SLC16A7: variants seen among roughly 807,000 people sequenced by gnomAD.
SLC16A7 encodes monocarboxylate transporter 2.
In SLC16A7, 33 loss-of-function variants were observed where a neutral mutation model predicts 34.9. The ratio of observed to expected loss-of-function variants is 0.94; its 90% CI spans 0.72 to 1.26. The LOEUF (loss-of-function observed/expected upper bound fraction) is 1.26, where lower values mean the gene tolerates loss of function less well. SLC16A7 is among the 50% of genes most tolerant of loss of function. The pLI is 0.00. For synonymous variants in SLC16A7, 201 were observed against 206.6 expected, an observed-to-expected ratio of 0.97 and a Z score of 0.23; for missense variants, 573 against 578.1, an observed-to-expected ratio of 0.99 and a Z score of 0.09.
intron 2 of SLC16A7, among the ~76,000 whole-genome samples, chr12:59,691,958 A>G (rs930271991): frequency 2.0e-5 from 3 of 151,990 alleles, no homozygotes; most frequent in Non-Finnish European, 4.4e-5. Flanking sequence ...CTACTATACT[A>G]GTTTCCTGGG....
intron 1 of SLC16A7, among the ~76,000 whole-genome samples, chr12:59,643,379 T>A (rs1281055058): frequency 6.6e-6 from 1 of 152,180 alleles, no homozygotes; most frequent in Non-Finnish European, 1.5e-5. Flanking sequence ...TAAGCATATA[T>A]GTCTATAAAT....
At chr12:59,690,782 A>G (rs1463973344) in intron 2 of SLC16A7, among the ~76,000 whole-genome samples, 1 of 151,990 alleles carries the variant, frequency 6.6e-6, no homozygotes, top group Non-Finnish European at 1.5e-5. Flanking sequence ...TCTCAAAATA[A>G]TCAGCTCAAA....
intron 2 of SLC16A7, among the ~76,000 whole-genome samples, chr12:59,663,454 G>A (rs1240609617): frequency 6.6e-6 from 1 of 151,568 alleles, no homozygotes; most frequent in East Asian, 1.9e-4. Context: ...ATATGTACAG[G>A]GTACAAAATG....
chr12:59,613,079 T>C (rs1447426544), intron 1 of SLC16A7, among the ~76,000 whole-genome samples: 1 of 152,234 alleles, frequency 6.6e-6, no homozygotes, highest in Non-Finnish European at 1.5e-5. Context: ...TAAGGACAGA[T>C]TCTGGACTGG....
intron 3 of SLC16A7, among the ~76,000 whole-genome samples, chr12:59,764,434 A>G (rs1178063880): frequency 6.6e-6 from 1 of 151,564 alleles, no homozygotes; most frequent in African/African-American, 2.4e-5. Flanking sequence ...TGCGCCCATT[A>G]ACTCGTCATT....
At chr12:59,734,764 T>C (rs575487151) in intron 3 of SLC16A7, among the ~76,000 whole-genome samples, 1 of 152,378 alleles carries the variant, frequency 6.6e-6, no homozygotes, top group East Asian at 1.9e-4. Flanking sequence ...ATATACATCA[T>C]TGTCATTCTC....
At chr12:59,659,989 A>G (rs11173108) in intron 2 of SLC16A7, among the ~76,000 whole-genome samples, 34,415 of 151,998 alleles carry the variant, frequency 0.23, 4,635 homozygotes, top group East Asian at 0.66. Context: ...TTCAAGATGA[A>G]AAGTAAAATA....
At chr12:59,696,276 A>G (rs1484825874) in intron 2 of SLC16A7, 1 of 151,902 alleles carries the variant, frequency 6.6e-6, no homozygotes, top group Non-Finnish European at 1.5e-5. Context: ...GATATATTCA[A>G]TTTTGCTAAT....
At chr12:59,618,683 A>G (rs1158168474) in intron 1 of SLC16A7, among the ~76,000 whole-genome samples, 1 of 151,922 alleles carries the variant, frequency 6.6e-6, no homozygotes, top group Non-Finnish European at 1.5e-5. Flanking sequence ...AAGGTGTGTG[A>G]TCTTCCGTTT....
At chr12:59,629,891 A>G (rs1880101443) in intron 1 of SLC16A7, among the ~76,000 whole-genome samples, 1 of 151,950 alleles carries the variant, frequency 6.6e-6, no homozygotes, top group South Asian at 2.1e-4. Context: ...TGATAGAAAC[A>G]TGCTTCTGGA....
chr12:59,635,292 T>C (rs1880367430), intron 1 of SLC16A7, among the ~76,000 whole-genome samples: 4 of 152,102 alleles, frequency 2.6e-5, no homozygotes, highest in Admixed American at 6.6e-5. Flanking sequence ...AAATGTACTA[T>C]TGGAGCTTGA....
At chr12:59,737,794 G>T (rs903686764) in intron 3 of SLC16A7, among the ~76,000 whole-genome samples, 1 of 152,096 alleles carries the variant, frequency 6.6e-6, no homozygotes, top group Non-Finnish European at 1.5e-5. Context: ...GATACTTGGG[G>T]TATGGTCCTG....
At chr12:59,664,831 T>G (rs887907379) in intron 2 of SLC16A7, 7 of 152,182 alleles carry the variant, frequency 4.6e-5, no homozygotes, top group African/African-American at 1.2e-4. Flanking sequence ...AAGCAGAGTC[T>G]CTGGAGATAT....
intron 2 of SLC16A7, among the ~76,000 whole-genome samples, chr12:59,660,951 C>T (rs1868816077): frequency 6.6e-6 from 1 of 152,024 alleles, no homozygotes; most frequent in Non-Finnish European, 1.5e-5. Context: ...TCTTATTTTA[C>T]AAATGGCAGT....
chr12:59,694,317 C>A (rs1872019728), intron 2 of SLC16A7, among the ~76,000 whole-genome samples: 1 of 151,918 alleles, frequency 6.6e-6, no homozygotes, highest in Admixed American at 6.6e-5. Flanking sequence ...TAGTCAGACA[C>A]ACAAACTCTA....
chr12:59,631,465 C>T (rs1880179095), intron 1 of SLC16A7, among the ~76,000 whole-genome samples: 1 of 151,900 alleles, frequency 6.6e-6, no homozygotes, highest in African/African-American at 2.4e-5. Context: ...TTCATGTTGT[C>T]TGTTAGCTAT....
chr12:59,635,866 G>T (rs1369390688), intron 1 of SLC16A7, among the ~76,000 whole-genome samples: 3 of 151,916 alleles, frequency 2.0e-5, no homozygotes, highest in African/African-American at 2.4e-5. Flanking sequence ...CTTTATGTAT[G>T]TTAATAATGA....
chr12:59,753,280 T>A (rs923627842), intron 3 of SLC16A7, among the ~76,000 whole-genome samples: 5 of 152,318 alleles, frequency 3.3e-5, no homozygotes, highest in Middle Eastern at 3.4e-3. Context: ...GTAAATGGAC[T>A]AAATGCTCCA....
chr12:59,692,156 G>C (rs568477775), intron 2 of SLC16A7, among the ~76,000 whole-genome samples: 1 of 151,894 alleles, frequency 6.6e-6, no homozygotes, highest in Non-Finnish European at 1.5e-5. Context: ...CTTTCTGCTG[G>C]GCCTCCATCC....
Sources: allele counts gnomAD v4.1 joint callset (sites outside exome capture counted in the v4.1 genomes callset), GRCh38; gene constraint gnomAD v4.1.1; transcripts MANE v1.5; gene names NCBI Gene and HGNC (gene_info 2026-07-23, HGNC 2026-07-21).